The following IRAG1 variants were observed in gnomAD, a reference collection of about 807,000 sequenced individuals.
The protein encoded by IRAG1 is IP3R-associated cGMP kinase substrate.
IRAG1 carries 62 observed loss-of-function variants against 106.2 expected under a neutral mutation model. That is an observed-to-expected ratio of 0.58 (90% CI 0.48 to 0.72). IRAG1 has a LOEUF of 0.72. Among genes scored for constraint, IRAG1 ranks in the 30% least tolerant of loss-of-function variants. The pLI, the probability that IRAG1 is intolerant of heterozygous loss-of-function variation, is 0.00. For missense variants in IRAG1, 1,064 were observed against 1,140.7 expected (o/e 0.93, Z 0.97); for synonymous variants, 462 against 443.9 (o/e 1.04, Z -0.51).
At chr11:10,610,198 T>C (rs1301289603) in intron 10 of IRAG1, among the ~76,000 whole-genome samples, 5 of 152,324 alleles carry the variant, frequency 3.3e-5, no homozygotes, top group Admixed American at 2.6e-4. Flanking sequence ...GCTATAATGT[T>C]TGGGAAAAAA....
chr11:10,664,794 C>T (rs892505419), intron 1 of IRAG1, among the ~76,000 whole-genome samples: 1 of 152,128 alleles, frequency 6.6e-6, no homozygotes, highest in South Asian at 2.1e-4. Context: ...GCCTTGAGTT[C>T]CAGAGGGTGA....
chr11:10,603,827 T>C (rs1194256670), intron 13 of IRAG1, among the ~76,000 whole-genome samples: 1 of 152,090 alleles, frequency 6.6e-6, no homozygotes, highest in African/African-American at 2.4e-5. Context: ...ATGTAAGATA[T>C]AATGGAAAGG....
At chr11:10,631,330 TC>T (rs1475846965) in intron 4 of IRAG1, among the ~76,000 whole-genome samples, 4 of 152,192 alleles carry the variant, frequency 2.6e-5, no homozygotes, top group Non-Finnish European at 5.9e-5. Context: ...TGTTTCCTAT[TC>T]CCCCTGGAAT....
intron 1 of IRAG1, among the ~76,000 whole-genome samples, chr11:10,676,815 C>T (rs1203699444): frequency 1.3e-5 from 2 of 152,240 alleles, no homozygotes; most frequent in Admixed American, 6.5e-5. Flanking sequence ...CTATTCTAGG[C>T]AAACCAGAAT....
At chr11:10,642,392 C>T (rs1351716459) in intron 2 of IRAG1, among the ~76,000 whole-genome samples, 2 of 152,218 alleles carry the variant, frequency 1.3e-5, no homozygotes, top group Admixed American at 1.3e-4. Flanking sequence ...ATATTAGCTT[C>T]CTTTCCCCAG....
intron 10 of IRAG1, among the ~76,000 whole-genome samples, chr11:10,616,237 G>A (rs1855416675): frequency 6.8e-6 from 1 of 148,094 alleles, no homozygotes; most frequent in African/African-American, 2.5e-5. Context: ...AGCTTGCAGT[G>A]AGCTGAGATG....
intron 10 of IRAG1, among the ~76,000 whole-genome samples, chr11:10,618,473 C>G (rs1855596702): frequency 6.6e-6 from 1 of 152,166 alleles, no homozygotes. Context: ...GGATACAATG[C>G]TAAGCAAAAC....
At position 10,600,980 on chromosome 11, in the gene IRAG1, G is replaced by T; in HGVS notation, c.1955C>A (p.Ala652Glu). The T allele has an allele frequency of 6.2e-7, 1 of 1,614,012 alleles. No individual in the cohort carries two copies. The highest frequency in any genetic ancestry group is 1.1e-5 in the South Asian group (1 of 91,090). The stretch of plus-strand genomic sequence containing the variant: ...AAGCTTTTTAAACTCCATGAGCTCC[G>T]CATGGTCCTTCTCATACGTCCTCTT... ...NLKRTYEKDH[A>E]ELMEFKKLAN... The change falls in exon 15 of 21, where the codon GCG becomes GAG. Residue 652 changes from alanine to glutamate, a missense_variant. Physicochemically the swap from Ala to Glu is moderately radical, Grantham distance 107. Transcript: ENST00000423302.
rs1166219775 is a variant in IRAG1, at chr11:10,601,074, CGCATGAGT to C, written c.1876-23_1876-16del. The C allele has an allele frequency of 4.3e-6, 7 of 1,613,070 alleles. No individual in the cohort carries two copies. In the African/African-American group the frequency reaches 5.3e-5, roughly 12 times the overall value. On this transcript the variant is annotated splice_polypyrimidine_tract_variant and intron_variant, in intron 14 of 20. Coordinates refer to ENST00000423302, the MANE Select transcript of IRAG1 (RefSeq NM_130385.4). ...ATGCGCTTTTCCTGCGGGGAAGGAGCGCATGAGTGCATGAGGCCATTGGAGGAAAGGCT... is the reference window on the plus strand; with the variant it reads ...ATGCGCTTTTCCTGCGGGGAAGGAGCGCATGAGGCCATTGGAGGAAAGGCT...
chr11:10,623,587 TG>T (rs972879006), intron 10 of IRAG1, among the ~76,000 whole-genome samples, 190 bp downstream of exon 10: 2 of 151,934 alleles, frequency 1.3e-5, no homozygotes, highest in African/African-American at 4.8e-5. Flanking sequence ...CAGCGAGGCC[TG>T]GGGGCTGGTT....
rs533964094 is a variant in IRAG1 at position 10,576,777 on chromosome 11, G to A, written c.2496-202C>T. 7.9e-5 allele frequency among the ~76,000 whole-genome samples: 12 copies of A among 152,268 alleles called. No individual in the cohort carries two copies. In the South Asian group the frequency reaches 2.5e-3, roughly 32 times the overall value. On this transcript the variant is annotated intron_variant, in intron 20 of 20. Transcript: ENST00000423302. ...GAGAATATCCAAAGTTATGGTCCAGGAATCATTGGCTAAATTTTCCCAGGT... is the reference window on the plus strand; with the variant it reads ...GAGAATATCCAAAGTTATGGTCCAGAAATCATTGGCTAAATTTTCCCAGGT...
intron 1 of IRAG1, among the ~76,000 whole-genome samples, chr11:10,660,102 G>C (rs1044520410): frequency 9.2e-5 from 14 of 152,324 alleles, no homozygotes; most frequent in Admixed American, 9.1e-4. Context: ...AGAAGTAGGT[G>C]GATTTCTGGG....
chr11:10,670,340 G>A (rs574278212), intron 1 of IRAG1, among the ~76,000 whole-genome samples: 2 of 152,216 alleles, frequency 1.3e-5, no homozygotes, highest in Admixed American at 6.5e-5. Context: ...TCTAATGGCT[G>A]GTCATCCACC....
chr11:10,646,509 G>A (rs946492414), intron 2 of IRAG1, among the ~76,000 whole-genome samples: 1 of 152,132 alleles, frequency 6.6e-6, no homozygotes, highest in African/African-American at 2.4e-5. Flanking sequence ...AAAACAGGAG[G>A]AAGGCCAGCA....
At chr11:10,641,285 C>T (rs996318409) in intron 2 of IRAG1, among the ~76,000 whole-genome samples, 2 of 152,220 alleles carry the variant, frequency 1.3e-5, no homozygotes, top group Admixed American at 6.5e-5. Flanking sequence ...TTATTCCCTT[C>T]GGGATTGAAT....
At chr11:10,653,703 T>G (rs1219319421) in intron 1 of IRAG1, among the ~76,000 whole-genome samples, 1 of 152,088 alleles carries the variant, frequency 6.6e-6, no homozygotes, top group Non-Finnish European at 1.5e-5. Flanking sequence ...CCAAGCAGGA[T>G]GCTCCAAGGA....
intron 10 of IRAG1, among the ~76,000 whole-genome samples, chr11:10,620,235 T>C (rs910181820): frequency 2.6e-5 from 4 of 152,096 alleles, no homozygotes; most frequent in African/African-American, 9.7e-5. Context: ...TTTATAATGA[T>C]TGAAATAATA....
intron 10 of IRAG1, among the ~76,000 whole-genome samples, chr11:10,619,677 T>C (rs1473906669): frequency 6.6e-6 from 1 of 152,186 alleles, no homozygotes; most frequent in Admixed American, 6.5e-5. Context: ...TAAAGACCAG[T>C]ATCACATGCA....
intron 1 of IRAG1, among the ~76,000 whole-genome samples, chr11:10,674,776 T>C (rs770099156): frequency 6.6e-6 from 1 of 152,178 alleles, no homozygotes; most frequent in Non-Finnish European, 1.5e-5. Flanking sequence ...GCTCCCTGCC[T>C]GACTCAGATT....
Sources: gnomAD v4.1 joint callset for allele counts (sites outside exome capture counted in the v4.1 genomes callset) on GRCh38, gnomAD v4.1.1 for gene constraint, MANE v1.5 for transcripts, NCBI Gene and HGNC (gene_info 2026-07-23, HGNC 2026-07-21) for gene names.